Variants in NEBL observed in about 807,000 individuals in gnomAD.
The protein encoded by NEBL is LIM and SH3 protein 2.
A neutral mutation model predicts 140.2 loss-of-function variants in NEBL; 122 were observed. The observed-to-expected ratio is 0.87, with a 90% confidence interval of 0.75 to 1.01. NEBL has a LOEUF of 1.01. Among genes scored for constraint, NEBL ranks in the 50% least tolerant of loss-of-function variants. NEBL has a pLI of 0.00. For synonymous variants in NEBL, 436 were observed against 398.9 expected (o/e 1.09, Z -1.11); for missense variants, 1,365 against 1,231.3 (o/e 1.11, Z -1.62).
intron 2 of NEBL, among the ~76,000 whole-genome samples, chr10:21,079,736 G>C (rs575305885): frequency 2.0e-5 from 3 of 152,270 alleles, no homozygotes; most frequent in East Asian, 3.9e-4. Flanking sequence ...CCTCCTTTGA[G>C]ATGGCCAAGG....
intron 7 of NEBL, among the ~76,000 whole-genome samples, chr10:20,862,931 G>T (rs1843870756): frequency 6.6e-6 from 1 of 151,546 alleles, no homozygotes; most frequent in Admixed American, 6.6e-5. Flanking sequence ...TATATTTATG[G>T]GGTACATTAT....
intron 11 of NEBL, among the ~76,000 whole-genome samples, chr10:20,849,320 A>G (rs1246664551): frequency 6.6e-6 from 1 of 152,192 alleles, no homozygotes; most frequent in Admixed American, 6.5e-5. Context: ...AAAGTAGGTA[A>G]GTAGAAAACA....
chr10:21,053,892 G>C (rs1330770504), intron 2 of NEBL, among the ~76,000 whole-genome samples: 2 of 152,078 alleles, frequency 1.3e-5, no homozygotes, highest in Non-Finnish European at 2.9e-5. Context: ...AATTAGCCAG[G>C]CATGGTGGTT....
intron 3 of NEBL, among the ~76,000 whole-genome samples, chr10:20,994,229 T>C (rs1837578305): frequency 6.6e-6 from 1 of 152,256 alleles, no homozygotes. Context: ...TTTTATGTCA[T>C]ACTTAATTGC....
chr10:20,977,252 C>G (rs1453885059), intron 3 of NEBL, among the ~76,000 whole-genome samples: 1 of 150,798 alleles, frequency 6.6e-6, no homozygotes, highest in African/African-American at 2.5e-5. Context: ...GGTTAAAGTA[C>G]TGACCTAAAG....
intron 2 of NEBL, chr10:21,110,895 A>C: frequency 3.4e-6 from 2 of 585,636 alleles, no homozygotes; most frequent in South Asian, 3.0e-5. Context: ...CAACTTTGAA[A>C]ATGTCTGTAC....
At chr10:21,065,698 C>A (rs1048444577) in intron 2 of NEBL, among the ~76,000 whole-genome samples, 6 of 152,196 alleles carry the variant, frequency 3.9e-5, no homozygotes, top group African/African-American at 1.4e-4. Flanking sequence ...ATTGCCCCTT[C>A]GGCAGCTGCC....
At position 20,785,938 on chromosome 10, in the gene NEBL, A is replaced by T. The variant is rs746451058; in HGVS notation, c.2869-15T>A. 40 of 1,612,824 alleles carry T rather than the reference A, an allele frequency of 2.5e-5. No individual in the cohort carries two copies. Among genetic ancestry groups the T allele is most frequent in the Non-Finnish European group, 3.4e-5 (40 of 1,179,048 alleles). On this transcript the variant is annotated splice_polypyrimidine_tract_variant and intron_variant, in intron 27 of 27. Coordinates refer to ENST00000377122, the MANE Select transcript of NEBL (RefSeq NM_006393.3). ...CGGTAGGTCCTCTGAGAAAGGAAGA[A>T]GGGATTATACGATGAATGCCGAAAT...
At position 21,091,293 on chromosome 10, in the gene NEBL, C is replaced by T. The variant is rs1040767207; in HGVS notation, c.165-71092G>A. ...TGAAACATCTTGGTTATAAAATTTT[C>T]CTGCCAGAACATTTGAACTTGGATT... is the stretch of plus-strand genomic sequence containing the variant. On this transcript the variant is annotated intron_variant, in intron 2 of 6. Transcript: ENST00000417816. Among the ~76,000 whole-genome samples the T allele has an allele frequency of 5.9e-5, 9 of 152,320 alleles. No homozygotes were observed. The East Asian group carries it at 1.5e-3, about 26-fold the overall frequency.
intron 2 of NEBL, among the ~76,000 whole-genome samples, chr10:21,045,079 C>T (rs1020647136): frequency 2.0e-5 from 3 of 152,176 alleles, no homozygotes; most frequent in Non-Finnish European, 4.4e-5. Context: ...TCTTCAAATA[C>T]ATCCACATTC....
chr10:20,831,456 T>C lies in NEBL; in HGVS notation c.1560+17A>G, dbSNP rs767169528. 6.3e-7 allele frequency: 1 copy of C among 1,577,584 alleles called. No homozygotes were observed. Among genetic ancestry groups the C allele is most frequent in the Non-Finnish European group, 8.7e-7 (1 of 1,147,966 alleles). On this transcript the variant is annotated intron_variant, in intron 15 of 27. Coordinates refer to ENST00000377122, the MANE Select transcript of NEBL (RefSeq NM_006393.3). ...CACGGCATTTATTTTAAACTTTGTA[T>C]CTTGCTGCTGTCTTACCTGGCTGGC...
At chr10:21,283,239 C>T (rs922766772) in intron 1 of NEBL, among the ~76,000 whole-genome samples, 6 of 152,036 alleles carry the variant, frequency 3.9e-5, no homozygotes, top group Admixed American at 2.6e-4. Flanking sequence ...GCTACATTCC[C>T]ATTAGCGCCA....
chr10:21,073,752 A>G (rs1835928768), intron 2 of NEBL, among the ~76,000 whole-genome samples: 1 of 152,114 alleles, frequency 6.6e-6, no homozygotes, highest in Non-Finnish European at 1.5e-5. Flanking sequence ...ACATGGCTAA[A>G]AGGAAGAGAG....
At chr10:20,907,630 A>G (rs1160597012) in intron 4 of NEBL, among the ~76,000 whole-genome samples, 1 of 152,180 alleles carries the variant, frequency 6.6e-6, no homozygotes, top group Non-Finnish European at 1.5e-5. Flanking sequence ...TGTCACCAGG[A>G]AGTATATGAG....
At chr10:20,988,077 C>A (rs1812285991) in intron 3 of NEBL, among the ~76,000 whole-genome samples, 1 of 152,116 alleles carries the variant, frequency 6.6e-6, no homozygotes, top group African/African-American at 2.4e-5. Flanking sequence ...TCCTCAAATA[C>A]TCTCCCCTTC....
chr10:20,995,206 A>AC (rs1438629762), intron 3 of NEBL, among the ~76,000 whole-genome samples: 1 of 151,670 alleles, frequency 6.6e-6, no homozygotes, highest in Non-Finnish European at 1.5e-5. Context: ...AATGTACAGC[A>AC]CCCCCCAGTC....
chr10:21,073,827 C>A (rs977411643), intron 2 of NEBL, among the ~76,000 whole-genome samples: 12 of 152,098 alleles, frequency 7.9e-5, no homozygotes, highest in African/African-American at 2.9e-4. Context: ...GTAATCCCAG[C>A]ACTTTGGGAG....
chr10:21,134,235 A>G (rs549684589), intron 2 of NEBL, among the ~76,000 whole-genome samples: 8 of 152,068 alleles, frequency 5.3e-5, no homozygotes, highest in Non-Finnish European at 1.0e-4. Flanking sequence ...CAAGAAAAAA[A>G]AAAAAAATCT....
Position 20,849,696 on chromosome 10 carries a change from A to G in NEBL, c.1116+699T>C, listed in dbSNP as rs147614398. 3.5e-3 allele frequency among the ~76,000 whole-genome samples: 537 copies of G among 152,348 alleles called. 8 individuals are homozygous for G. The highest frequency in any genetic ancestry group is 0.011 in the African/African-American group (468 of 41,578). The stretch of plus-strand genomic sequence containing the variant: ...CTTCCAGCCTCCAGAACTGAAAGAA[A>G]TTAATCTCTGTTCTTTATAAATTGC... On this transcript the variant is annotated intron_variant, in intron 11 of 27. Coordinates refer to ENST00000377122, the MANE Select transcript of NEBL (RefSeq NM_006393.3).
Sources: allele counts gnomAD v4.1 joint callset (sites outside exome capture counted in the v4.1 genomes callset), GRCh38; gene constraint gnomAD v4.1.1; transcripts MANE v1.5; gene names NCBI Gene and HGNC (gene_info 2026-07-23, HGNC 2026-07-21).